Variants in PIK3C2G observed in about 807,000 individuals in gnomAD.
PIK3C2G encodes the protein phosphatidylinositol 3-kinase C2 domain-containing subunit gamma.
A neutral mutation model predicts 181.1 loss-of-function variants in PIK3C2G; 168 were observed. The observed-to-expected ratio is 0.93, with a 90% confidence interval of 0.82 to 1.05. PIK3C2G has a LOEUF of 1.05. PIK3C2G is among the 50% of genes least tolerant of loss of function. PIK3C2G has a pLI of 0.00. For missense variants in PIK3C2G, 1,869 were observed against 1,732.8 expected, an observed-to-expected ratio of 1.08 and a Z score of -1.40; for synonymous variants, 573 against 592.2, an observed-to-expected ratio of 0.97 and a Z score of 0.47.
the PIK3C2G span, among the ~76,000 whole-genome samples, chr12:18,689,798 G>A: frequency 6.6e-6 from 1 of 152,142 alleles, no homozygotes; most frequent in African/African-American, 2.4e-5. Flanking sequence ...AAGCAGCAAT[G>A]TCAAATGCCT....
the PIK3C2G span, among the ~76,000 whole-genome samples, chr12:18,677,920 C>G: frequency 1.3e-5 from 2 of 151,852 alleles, no homozygotes; most frequent in Non-Finnish European, 2.9e-5. Context: ...TTCATGTGTG[C>G]TTGTGTATGT....
intron 22 of PIK3C2G, among the ~76,000 whole-genome samples, chr12:18,500,032 C>T (rs1054854305): frequency 2.0e-5 from 3 of 152,266 alleles, no homozygotes; most frequent in African/African-American, 7.2e-5. Flanking sequence ...TCTGCCTGGG[C>T]TCCCACTTTG....
chr12:18,347,989 C>G, intron 11 of PIK3C2G, among the ~76,000 whole-genome samples: 1 of 151,758 alleles, frequency 6.6e-6, no homozygotes. Context: ...ATTCTTTTTC[C>G]TTTTATAATT....
intron 32 of PIK3C2G, among the ~76,000 whole-genome samples, chr12:18,644,803 CT>C (rs1286407357): frequency 3.3e-5 from 5 of 152,304 alleles, no homozygotes; most frequent in South Asian, 4.1e-4. Flanking sequence ...CGCAGTACCC[CT>C]GTTCTCGCTT....
intron 18 of PIK3C2G, among the ~76,000 whole-genome samples, chr12:18,464,851 C>T (rs1214739180): frequency 6.6e-6 from 1 of 151,876 alleles, no homozygotes; most frequent in Non-Finnish European, 1.5e-5. Flanking sequence ...ACTTTGGATG[C>T]CATGAATATT....
At chr12:18,561,844 C>T (rs943446746) in intron 26 of PIK3C2G, among the ~76,000 whole-genome samples, 3 of 151,192 alleles carry the variant, frequency 2.0e-5, no homozygotes, top group East Asian at 1.9e-4. Flanking sequence ...ATATAAAATA[C>T]GTGTCTGTTA....
chr12:18,532,947 G>A (rs1592511412), intron 24 of PIK3C2G, among the ~76,000 whole-genome samples: 2 of 123,394 alleles, frequency 1.6e-5, no homozygotes, highest in Admixed American at 8.8e-5. Flanking sequence ...TTTTTGAATT[G>A]CCTGCTTTAG....
At chr12:18,406,848 G>A (rs1221019141) in intron 16 of PIK3C2G, among the ~76,000 whole-genome samples, 1 of 152,104 alleles carries the variant, frequency 6.6e-6, no homozygotes, top group African/African-American at 2.4e-5. Context: ...TCCCTATCGA[G>A]GAAGAGTGAA....
intron 18 of PIK3C2G, among the ~76,000 whole-genome samples, chr12:18,456,316 G>A (rs1947625655): frequency 6.6e-6 from 1 of 152,020 alleles, no homozygotes; most frequent in South Asian, 2.1e-4. Flanking sequence ...ATAGGTGAGA[G>A]AAAAGAGAAA....
At chr12:18,363,672 C>T (rs1466146658) in intron 12 of PIK3C2G, among the ~76,000 whole-genome samples, 1 of 152,060 alleles carries the variant, frequency 6.6e-6, no homozygotes, top group African/African-American at 2.4e-5. Flanking sequence ...TCAGCTCTTT[C>T]AGATGATCTG....
chr12:18,439,579 C>A (rs1219422484), intron 18 of PIK3C2G, among the ~76,000 whole-genome samples: 3 of 148,710 alleles, frequency 2.0e-5, no homozygotes, highest in African/African-American at 7.5e-5. Flanking sequence ...TTCTGAGCCA[C>A]TCATGTATGT....
intron 30 of PIK3C2G, among the ~76,000 whole-genome samples, chr12:18,598,442 C>T (rs113134944): frequency 6.6e-6 from 1 of 151,470 alleles, no homozygotes; most frequent in African/African-American, 2.4e-5. Flanking sequence ...AACTGGCTAG[C>T]CATATGTAGA....
chr12:18,662,141 G>A, the PIK3C2G span, among the ~76,000 whole-genome samples: 1 of 152,044 alleles, frequency 6.6e-6, no homozygotes, highest in Non-Finnish European at 1.5e-5. Flanking sequence ...GAAAGTGCAA[G>A]GAGGGTGAAG....
At chr12:18,686,355 T>C in the PIK3C2G span, among the ~76,000 whole-genome samples, 1 of 152,102 alleles carries the variant, frequency 6.6e-6, no homozygotes, top group African/African-American at 2.4e-5. Context: ...CCTGACACCT[T>C]AGCATGGCTT....
chr12:18,531,397 A>G (rs1565481746), intron 24 of PIK3C2G, among the ~76,000 whole-genome samples: 1 of 152,186 alleles, frequency 6.6e-6, no homozygotes, highest in Non-Finnish European at 1.5e-5. Context: ...GTTTCCTCCA[A>G]TGGTAACATC....
chr12:18,505,462 G>A lies in PIK3C2G; in HGVS notation c.3323+1G>A. ...CACAAACATTTGGAGGGATAAAAAGGTCAGTGCACAAATGTTTATTACAGT... is the reference window on the plus strand; with the variant it reads ...CACAAACATTTGGAGGGATAAAAAGATCAGTGCACAAATGTTTATTACAGT... On this transcript the variant is annotated splice_donor_variant, in intron 24 of 32. Transcript: ENST00000538779. LOFTEE classifies it high-confidence loss of function. 1 of 1,610,076 alleles carries A rather than the reference G, an allele frequency of 6.2e-7. No homozygotes were observed. Among genetic ancestry groups the A allele is most frequent in the Non-Finnish European group, 8.5e-7 (1 of 1,177,414 alleles).
At chr12:18,452,688 C>A (rs1947428970) in intron 18 of PIK3C2G, among the ~76,000 whole-genome samples, 1 of 152,106 alleles carries the variant, frequency 6.6e-6, no homozygotes, top group Non-Finnish European at 1.5e-5. Context: ...TTCCCACTTT[C>A]TGATGTGGGC....
chr12:18,626,250 A>G (rs1949092088), intron 31 of PIK3C2G, among the ~76,000 whole-genome samples: 1 of 151,894 alleles, frequency 6.6e-6, no homozygotes, highest in African/African-American at 2.4e-5. Flanking sequence ...TTCGCTTACA[A>G]CAGTCTATTT....
chr12:18,501,741 T>G (rs1327009857), intron 22 of PIK3C2G, among the ~76,000 whole-genome samples: 5 of 152,216 alleles, frequency 3.3e-5, no homozygotes, highest in Non-Finnish European at 7.3e-5. Context: ...GTTTTCTGGA[T>G]AGTCAGCAAT....
Sources: allele counts gnomAD v4.1 joint callset (sites outside exome capture counted in the v4.1 genomes callset), GRCh38; gene constraint gnomAD v4.1.1; transcripts MANE v1.5; gene names NCBI Gene and HGNC (gene_info 2026-07-23, HGNC 2026-07-21).